The following SHB variants were observed in gnomAD, a reference collection of about 807,000 sequenced individuals.
The protein encoded by SHB is SH2 domain containing adaptor protein B, also known as SH2 domain-containing adapter protein B.
SHB carries 20 observed loss-of-function variants against 52.3 expected under a neutral mutation model. That is an observed-to-expected ratio of 0.38 (90% confidence interval 0.27 to 0.56). The LOEUF is 0.56. Ranked by LOEUF, SHB falls within the 20% of genes least tolerant of loss-of-function variation. The pLI, the probability that SHB is intolerant of heterozygous loss-of-function variation, is 0.71. For missense variants in SHB, 825 were observed against 723.3 expected (o/e 1.14, Z -1.61); for synonymous variants, 397 against 316.5 (o/e 1.25, Z -2.70).
At chr9:37,955,542 A>T (rs1407413871) in intron 4 of SHB, among the ~76,000 whole-genome samples, 2 of 152,114 alleles carry the variant, frequency 1.3e-5, no homozygotes, top group East Asian at 3.9e-4. Flanking sequence ...CAGTAGTGTG[A>T]TCACAGCTCA....
intron 1 of SHB, among the ~76,000 whole-genome samples, chr9:38,040,942 C>T (rs569735526): frequency 1.6e-3 from 243 of 151,934 alleles, no homozygotes; most frequent in African/African-American, 5.4e-3. Context: ...ACTGGGGACA[C>T]GTGGCAGGGC....
chr9:38,036,069 G>A (rs1005546679), intron 1 of SHB, among the ~76,000 whole-genome samples: 3 of 152,174 alleles, frequency 2.0e-5, no homozygotes, highest in African/African-American at 7.2e-5. Context: ...AAGAGGCAAA[G>A]AATCTGAGCC....
rs958372295 is a variant in SHB, at chr9:38,015,892, A to C, written c.838+119T>G. 6 of 956,814 alleles carry C rather than the reference A, an allele frequency of 6.3e-6. No individual in the cohort carries two copies. In the African/African-American group the frequency reaches 9.8e-5, roughly 16 times the overall value. 59.3% of individuals were successfully genotyped at this position (956,814 alleles called of 1,614,324 possible). A position where few individuals can be genotyped will look rare whatever the true frequency, so the allele number is the denominator to read the frequency against. ...AATACAGCATTGCTCCCACCTACCAACTTGAAAGCACACACCATGCCCCCA... is the reference window on the plus strand; with the variant it reads ...AATACAGCATTGCTCCCACCTACCACCTTGAAAGCACACACCATGCCCCCA... On this transcript the variant is annotated intron_variant, in intron 2 of 5. Transcript: ENST00000377707.
intron 1 of SHB, among the ~76,000 whole-genome samples, chr9:38,026,671 G>A (rs1821347099): frequency 6.6e-6 from 1 of 152,240 alleles, no homozygotes; most frequent in Admixed American, 6.5e-5. Context: ...GTATCCTCCA[G>A]CAACCAAGCC....
chr9:38,015,210 C>A (rs1440558409), intron 2 of SHB, among the ~76,000 whole-genome samples: 1 of 152,198 alleles, frequency 6.6e-6, no homozygotes, highest in African/African-American at 2.4e-5. Context: ...GTCTGGCCTG[C>A]CCTCTTGAAC....
chr9:38,029,010 G>A (rs1048123287), intron 1 of SHB, among the ~76,000 whole-genome samples: 1 of 152,142 alleles, frequency 6.6e-6, no homozygotes, highest in Non-Finnish European at 1.5e-5. Context: ...AGCTTCCCAG[G>A]CCCAGGGAAC....
At chr9:37,948,835 C>T (rs1832525520) in intron 4 of SHB, 81 bp from the exon 5 acceptor site, 8 of 1,552,578 alleles carry the variant, frequency 5.2e-6, no homozygotes, top group Middle Eastern at 1.9e-4. Context: ...GACTCAGCAC[C>T]CGCAGAGAGC....
intron 2 of SHB, among the ~76,000 whole-genome samples, chr9:38,000,906 C>T (rs147808713): frequency 1.1e-4 from 17 of 152,232 alleles, no homozygotes; most frequent in African/African-American, 3.9e-4. Context: ...CGGGAAAGTC[C>T]CTTAGCCTCT....
intron 1 of SHB, among the ~76,000 whole-genome samples, chr9:38,066,976 C>A (rs908626060): frequency 6.6e-6 from 1 of 152,114 alleles, no homozygotes. Flanking sequence ...CAGATTTAAT[C>A]AAAACACTGC....
At chr9:37,994,462 G>C (rs1206575591) in intron 2 of SHB, among the ~76,000 whole-genome samples, 1 of 152,212 alleles carries the variant, frequency 6.6e-6, no homozygotes, top group African/African-American at 2.4e-5. Context: ...CCAAATACCA[G>C]TAAGTTCATT....
At chr9:38,008,573 G>A (rs1821098758) in intron 2 of SHB, among the ~76,000 whole-genome samples, 1 of 152,248 alleles carries the variant, frequency 6.6e-6, no homozygotes, top group African/African-American at 2.4e-5. Context: ...TAAGGCCCAG[G>A]AGCTCCAGGA....
intron 2 of SHB, among the ~76,000 whole-genome samples, chr9:37,989,663 C>T (rs764610548): frequency 3.9e-5 from 6 of 152,176 alleles, no homozygotes; most frequent in Non-Finnish European, 5.9e-5. Context: ...ACAGAGTGAG[C>T]GGTCGGCACA....
At chr9:38,065,197 C>A (rs1729913671) in intron 1 of SHB, among the ~76,000 whole-genome samples, 1 of 152,192 alleles carries the variant, frequency 6.6e-6, no homozygotes, top group Non-Finnish European at 1.5e-5. Flanking sequence ...GTGTGCCTGG[C>A]CTCCCAAAAG....
rs71504550 is a variant in SHB, at chr9:37,918,482, G to A, written c.*1339C>T. Among the ~76,000 whole-genome samples, 1 of 108,206 alleles carries A rather than the reference G, an allele frequency of 9.2e-6. No homozygotes were observed. The allele number at this position is 108,206 out of a possible 152,430, so 71.0% of individuals were successfully genotyped here. A position where few individuals can be genotyped will look rare whatever the true frequency, so the allele number is the denominator to read the frequency against. On this transcript the variant is annotated 3_prime_UTR_variant, in exon 6 of 6. Transcript: ENST00000377707. The stretch of plus-strand genomic sequence containing the variant: ...GTGTGTGGAAGCAGTGTGGACCACT[G>A]AGGGCTGTGTGTGTGTGTGTGTGTG...
chr9:37,941,588 G>A (rs1264378011), intron 5 of SHB, among the ~76,000 whole-genome samples: 1 of 152,212 alleles, frequency 6.6e-6, no homozygotes, highest in Non-Finnish European at 1.5e-5. Context: ...CCTGAGGCAA[G>A]CAGTACTGTA....
At chr9:38,065,179 G>C (rs1295757708) in intron 1 of SHB, among the ~76,000 whole-genome samples, 1 of 152,204 alleles carries the variant, frequency 6.6e-6, no homozygotes, top group Non-Finnish European at 1.5e-5. Context: ...AGGAAGGCCG[G>C]ATCTACAGTG....
intron 1 of SHB, among the ~76,000 whole-genome samples, chr9:38,040,263 C>T (rs988634927): frequency 5.3e-5 from 8 of 152,170 alleles, no homozygotes; most frequent in Non-Finnish European, 8.8e-5. Flanking sequence ...ACTGGCTGGC[C>T]ATGTGTGTGA....
At chr9:38,001,893 A>G (rs1326893159) in intron 2 of SHB, among the ~76,000 whole-genome samples, 1 of 152,238 alleles carries the variant, frequency 6.6e-6, no homozygotes, top group Non-Finnish European at 1.5e-5. Flanking sequence ...AGAAAAGGCC[A>G]TCTGCATCCT....
chr9:38,033,702 G>T (rs1284810749), intron 1 of SHB, among the ~76,000 whole-genome samples: 2 of 152,032 alleles, frequency 1.3e-5, no homozygotes, highest in Non-Finnish European at 2.9e-5. Flanking sequence ...TCTATCCTGG[G>T]TCCCACAACT....
Sources: allele counts gnomAD v4.1 joint callset (sites outside exome capture counted in the v4.1 genomes callset), GRCh38; gene constraint gnomAD v4.1.1; transcripts MANE v1.5; gene names NCBI Gene and HGNC (gene_info 2026-07-23, HGNC 2026-07-21).